Variants in FER observed in about 807,000 individuals in gnomAD.
FER encodes FER tyrosine kinase, also known as tyrosine-protein kinase Fer.
FER carries 63 observed loss-of-function variants against 111.0 expected under a neutral mutation model. That is an observed-to-expected ratio of 0.57 (90% CI 0.46 to 0.70). The LOEUF (loss-of-function observed/expected upper bound fraction) is 0.70. Among genes scored for constraint, FER ranks in the 30% least tolerant of loss-of-function variants. The pLI is 0.00. For missense variants in FER, 914 were observed against 954.0 expected (o/e 0.96, Z 0.55); for synonymous variants, 327 against 313.9 (o/e 1.04, Z -0.44).
At chr5:109,141,238 T>C (rs1753491877) in intron 17 of FER, among the ~76,000 whole-genome samples, 1 of 152,210 alleles carries the variant, frequency 6.6e-6, no homozygotes, top group African/African-American at 2.4e-5. Context: ...CTCAATTTTT[T>C]ATAAGCCATG....
intron 13 of FER, among the ~76,000 whole-genome samples, chr5:108,981,913 T>G (rs79513636): frequency 0.046 from 7,063 of 151,922 alleles, 261 homozygotes; most frequent in South Asian, 0.11. Flanking sequence ...ATAGTAAGAG[T>G]TTATTGAATT....
At chr5:109,100,748 T>G (rs1395256671) in intron 17 of FER, among the ~76,000 whole-genome samples, 2 of 151,892 alleles carry the variant, frequency 1.3e-5, no homozygotes, top group East Asian at 3.8e-4. Context: ...GCCTACTAGT[T>G]AGAATTTGTT....
chr5:108,947,693 G>A (rs778051937), intron 11 of FER, among the ~76,000 whole-genome samples: 2 of 151,078 alleles, frequency 1.3e-5, no homozygotes, highest in Non-Finnish European at 1.5e-5. Context: ...TTGATGAAGA[G>A]CAATTTATTT....
At chr5:108,887,265 T>C (rs1747312151) in intron 9 of FER, among the ~76,000 whole-genome samples, 1 of 151,666 alleles carries the variant, frequency 6.6e-6, no homozygotes, top group African/African-American at 2.4e-5. Flanking sequence ...TATCAAAATA[T>C]GAGACTAAAA....
chr5:108,886,780 T>C (rs1040832033), intron 9 of FER, among the ~76,000 whole-genome samples: 13 of 151,792 alleles, frequency 8.6e-5, no homozygotes, highest in Admixed American at 5.3e-4. Flanking sequence ...GAGTTATTAT[T>C]GTTAGAGTCA....
At chr5:109,094,331 C>G (rs902524602) in intron 16 of FER, among the ~76,000 whole-genome samples, 3 of 152,062 alleles carry the variant, frequency 2.0e-5, no homozygotes, top group African/African-American at 4.8e-5. Context: ...TTGAGTAATA[C>G]AGATTGAGCA....
At chr5:108,823,069 A>G (rs926910939) in intron 3 of FER, among the ~76,000 whole-genome samples, 1 of 152,134 alleles carries the variant, frequency 6.6e-6, no homozygotes, top group Non-Finnish European at 1.5e-5. Flanking sequence ...ACAGGATTTC[A>G]CTATGTTGGC....
intron 2 of FER, among the ~76,000 whole-genome samples, chr5:108,797,145 G>GGTTGT (rs1756120663): frequency 6.6e-6 from 1 of 151,938 alleles, no homozygotes; most frequent in Non-Finnish European, 1.5e-5. Flanking sequence ...TTTTGGCCCA[G>GGTTGT]GTTGTGTTTA....
At chr5:109,152,919 C>A (rs774855847) in intron 17 of FER, among the ~76,000 whole-genome samples, 54 of 151,816 alleles carry the variant, frequency 3.6e-4, no homozygotes, top group Non-Finnish European at 4.0e-4. Flanking sequence ...TAAAAATATT[C>A]ATGTTGTCTT....
chr5:109,083,857 G>C (rs1030081036), intron 16 of FER, among the ~76,000 whole-genome samples: 1 of 151,958 alleles, frequency 6.6e-6, no homozygotes, highest in Non-Finnish European at 1.5e-5. Flanking sequence ...TATCCATCTA[G>C]GCTCATCCCC....
At chr5:108,951,927 T>A (rs1561668250) in intron 11 of FER, among the ~76,000 whole-genome samples, 1 of 152,102 alleles carries the variant, frequency 6.6e-6, no homozygotes, top group Non-Finnish European at 1.5e-5. Flanking sequence ...TCTCTTTTTC[T>A]TTCCCCAAGA....
chr5:109,138,111 C>A (rs533309193), intron 17 of FER, among the ~76,000 whole-genome samples: 1 of 152,196 alleles, frequency 6.6e-6, no homozygotes, highest in East Asian at 1.9e-4. Flanking sequence ...ATATGTAGGG[C>A]TGGAACAAAG....
chr5:108,928,671 T>A (rs1381097556), intron 10 of FER, among the ~76,000 whole-genome samples: 1 of 152,050 alleles, frequency 6.6e-6, no homozygotes, highest in East Asian at 1.9e-4. Context: ...ACGGTATAAT[T>A]TTTATATAGC....
At chr5:108,761,750 G>A (rs1365763046) in intron 1 of FER, among the ~76,000 whole-genome samples, 1 of 152,138 alleles carries the variant, frequency 6.6e-6, no homozygotes, top group African/African-American at 2.4e-5. Flanking sequence ...ATACTTGTCT[G>A]ATTTATGAGA....
chr5:109,025,016 A>G (rs1768490459), intron 13 of FER, among the ~76,000 whole-genome samples: 1 of 152,004 alleles, frequency 6.6e-6, no homozygotes, highest in East Asian at 1.9e-4. Context: ...TGTTTTGGTT[A>G]CTGTAGCTTT....
intron 3 of FER, among the ~76,000 whole-genome samples, chr5:108,811,310 C>T (rs1298980186): frequency 2.6e-5 from 4 of 152,138 alleles, no homozygotes; most frequent in African/African-American, 4.8e-5. Context: ...CCCAAAATAC[C>T]ATGTTATATT....
At chr5:108,995,246 T>C in intron 13 of FER, among the ~76,000 whole-genome samples, 1 of 152,204 alleles carries the variant, frequency 6.6e-6, no homozygotes. Context: ...ACTGTTGTTT[T>C]GTCATAAATG....
intron 13 of FER, among the ~76,000 whole-genome samples, chr5:108,968,110 C>T (rs1242565241): frequency 2.0e-5 from 3 of 152,160 alleles, no homozygotes; most frequent in African/African-American, 4.8e-5. Context: ...TAAAAGTGGC[C>T]GGGCACAGTG....
At chr5:108,776,300 T>C (rs1231201611) in intron 2 of FER, among the ~76,000 whole-genome samples, 1 of 152,124 alleles carries the variant, frequency 6.6e-6, no homozygotes, top group African/African-American at 2.4e-5. Flanking sequence ...TAGTTGAATC[T>C]CTATATCAAT....
Sources: gnomAD v4.1 joint callset for allele counts (sites outside exome capture counted in the v4.1 genomes callset) on GRCh38, gnomAD v4.1.1 for gene constraint, MANE v1.5 for transcripts, NCBI Gene and HGNC (gene_info 2026-07-23, HGNC 2026-07-21) for gene names.